KDM8: variants seen among roughly 807,000 people sequenced by gnomAD.
The protein encoded by KDM8 is bifunctional peptidase and arginyl-hydroxylase JMJD5.
In KDM8, 35 loss-of-function variants were observed where a neutral mutation model predicts 46.9. That is an observed-to-expected ratio of 0.75 (90% CI 0.57 to 0.99). The LOEUF is 0.99. Among genes scored for constraint, KDM8 ranks in the 50% least tolerant of loss-of-function variants. The pLI is 0.00. For missense variants in KDM8, 475 were observed against 537.0 expected (o/e 0.88, Z 1.14); for synonymous variants, 232 against 227.7 (o/e 1.02, Z -0.17).
intron 1 of KDM8, chr16:27,204,324 CAG>C: frequency 7.3e-7 from 1 of 1,370,706 alleles, no homozygotes. Flanking sequence ...AGCCCGGGGA[CAG>C]GAGGTGCGCA....
intron 1 of KDM8, among the ~76,000 whole-genome samples, chr16:27,205,958 A>G (rs1293111612): frequency 6.6e-6 from 1 of 152,234 alleles, no homozygotes; most frequent in Non-Finnish European, 1.5e-5. Context: ...GCTTTTTGAT[A>G]TGGCCCACAT....
Position 27,210,203 on chromosome 16 carries a change from C to T in KDM8, c.80C>T (p.Pro27Leu), listed in dbSNP as rs34614782. 806 of 1,613,268 alleles carry T rather than the reference C, an allele frequency of 5.0e-4. No homozygotes were observed. The highest frequency in any genetic ancestry group is 6.4e-4 in the Non-Finnish European group (759 of 1,180,040). Residue 27 changes from proline (P) to leucine (L), a missense_variant, in exon 2 of 8, where the codon CCG becomes CTG. Transcript: ENST00000286096. The stretch of plus-strand genomic sequence containing the variant: ...TGGGAGGCCCTCAGGGCGCTCCTGC[C>T]GCACAGTAAAGAAGACCTGAAGTTG... ...TLWEALRALLPHSKEDLKLDL... is the reference protein window; with the variant it reads ...TLWEALRALLLHSKEDLKLDL...
At chr16:27,219,343 A>G (rs558708939) in intron 6 of KDM8, among the ~76,000 whole-genome samples, 55 of 152,308 alleles carry the variant, frequency 3.6e-4, no homozygotes, top group African/African-American at 1.3e-3. Context: ...AAGATCCCTC[A>G]CAGGGGAGCC....
chr16:27,212,396 G>A (rs565308121), intron 2 of KDM8, among the ~76,000 whole-genome samples: 1 of 152,274 alleles, frequency 6.6e-6, no homozygotes, highest in East Asian at 1.9e-4. Context: ...TTTACAGACA[G>A]GGTCTTGCCC....
At chr16:27,215,864 GCT>G (rs1407621548) in intron 4 of KDM8, 79 bp from the exon 5 acceptor site, 410 of 1,439,516 alleles carry the variant, frequency 2.8e-4, no homozygotes, top group Non-Finnish European at 3.4e-4. Context: ...GCTGGGGCCA[GCT>G]GGACAGCAGC....
intron 7 of KDM8, 33 bp downstream of exon 7, chr16:27,220,518 G>A (rs761569249): frequency 1.9e-6 from 3 of 1,613,582 alleles, no homozygotes; most frequent in Admixed American, 3.3e-5. Context: ...GACGTTGCAG[G>A]TTCTCCCCAC....
intron 1 of KDM8, among the ~76,000 whole-genome samples, chr16:27,207,855 GAT>G (rs1411567416): frequency 1.3e-5 from 2 of 152,204 alleles, no homozygotes; most frequent in African/African-American, 4.8e-5. Context: ...GAGTAGCTGG[GAT>G]TATAGGTGCC....
intron 2 of KDM8, chr16:27,211,277 G>A (rs2083482642): frequency 6.8e-6 from 3 of 440,512 alleles, no homozygotes; most frequent in Non-Finnish European, 1.4e-5. Flanking sequence ...TGGGCTTGCT[G>A]AAGTCTCACC....
intron 2 of KDM8, among the ~76,000 whole-genome samples, chr16:27,212,166 C>T (rs2083491259): frequency 6.6e-6 from 1 of 152,146 alleles, no homozygotes; most frequent in Admixed American, 6.5e-5. Flanking sequence ...CCTGAACAGA[C>T]TGTTCACAAG....
Position 27,220,888 on chromosome 16 carries a change from G to A in KDM8, c.*158G>A. The A allele has an allele frequency of 1.2e-6, 1 of 858,400 alleles. No homozygotes were observed. The highest frequency in any genetic ancestry group is 1.4e-5 in the South Asian group (1 of 72,284). 53.2% of individuals were successfully genotyped at this position (858,400 alleles called of 1,614,324 possible). On this transcript the variant is annotated 3_prime_UTR_variant, in exon 8 of 8. Coordinates refer to ENST00000286096, the MANE Select transcript of KDM8 (RefSeq NM_024773.3). ...CCCTGGGGGGCTGAGCTCCAGCACTGGACAGGCACAGAGCAGGGGCTGCCC... is the reference window on the plus strand; with the variant it reads ...CCCTGGGGGGCTGAGCTCCAGCACTAGACAGGCACAGAGCAGGGGCTGCCC...
At chr16:27,220,232 A>T in intron 6 of KDM8, 161 bp from the exon 7 acceptor site, 1 of 691,572 alleles carries the variant, frequency 1.4e-6, no homozygotes, top group East Asian at 2.5e-5. Context: ...AAAAAATAAA[A>T]AAGAAAGAAA....
chr16:27,213,823 C>G (rs1383378685), intron 3 of KDM8, 72 bp downstream of exon 3: 1 of 1,480,796 alleles, frequency 6.8e-7, no homozygotes, highest in Non-Finnish European at 9.2e-7. Context: ...TGAATTCCTC[C>G]CGACCATCCC....
In KDM8 at chr16:27,210,495, C is replaced by T; in HGVS notation, c.372C>T (p.Asp124=). ...NTVAAALRVC[D]MGLLMGAAIL... ...TGGCCGCAGCCCTGCGGGTCTGTGA[C>T]ATGGGCCTGCTGATGGGGGCAGCCA... is the stretch of plus-strand genomic sequence containing the variant. Residue 124 remains aspartate, a synonymous_variant, in exon 2 of 8, where the codon GAC becomes GAT. Coordinates refer to ENST00000286096, the MANE Select transcript of KDM8 (RefSeq NM_024773.3). The T allele has an allele frequency of 6.4e-7, 1 of 1,571,186 alleles. No individual in the cohort carries two copies. Among genetic ancestry groups the T allele is most frequent in the Non-Finnish European group, 8.7e-7 (1 of 1,154,400 alleles).
chr16:27,210,010 G>A (rs2083464464), intron 1 of KDM8, 83 bp from the exon 2 acceptor site: 1 of 1,402,350 alleles, frequency 7.1e-7, no homozygotes, highest in African/African-American at 1.4e-5. Flanking sequence ...AATCCTCGCA[G>A]ATGAGATGCA....
chr16:27,211,420 A>G, intron 2 of KDM8: 1 of 314,792 alleles, frequency 3.2e-6, no homozygotes, highest in Non-Finnish European at 6.3e-6. Context: ...TCCAAAGAGC[A>G]CCCCCAGGAA....
intron 1 of KDM8, 53 bp from the exon 2 acceptor site, chr16:27,210,040 A>G (rs977219931): frequency 4.0e-6 from 6 of 1,498,364 alleles, no homozygotes; most frequent in African/African-American, 1.4e-5. Flanking sequence ...GGGAATGCAC[A>G]GGGGATCAGG....
chr16:27,210,857 G>A lies in KDM8; in HGVS notation c.498+236G>A, dbSNP rs2083476380. Among the ~76,000 whole-genome samples the A allele has an allele frequency of 3.3e-5, 5 of 152,312 alleles. No individual in the cohort carries two copies. The South Asian group carries it at 6.2e-4, about 19-fold the overall frequency. Reference sequence around the variant, plus strand: ...GGCTCCTTGCAGCCTCCACTTCCTGGACTCAAGCAATCCTTCTGCCTCAGC... The same window carrying A: ...GGCTCCTTGCAGCCTCCACTTCCTGAACTCAAGCAATCCTTCTGCCTCAGC... On this transcript the variant is annotated intron_variant, in intron 2 of 7. Coordinates refer to ENST00000286096, the MANE Select transcript of KDM8 (RefSeq NM_024773.3).
At chr16:27,206,817 G>A (rs936574407) in intron 1 of KDM8, among the ~76,000 whole-genome samples, 2 of 152,200 alleles carry the variant, frequency 1.3e-5, no homozygotes, top group Non-Finnish European at 2.9e-5. Flanking sequence ...ATCTCAAGTG[G>A]TTGGTGGTGT....
At chr16:27,219,308 G>A (rs538465463) in intron 6 of KDM8, among the ~76,000 whole-genome samples, 198 bp downstream of exon 6, 11 of 152,212 alleles carry the variant, frequency 7.2e-5, no homozygotes, top group Non-Finnish European at 1.5e-4. Flanking sequence ...TTCCAGAAGC[G>A]GCTCCTCCTG....
Sources: allele counts gnomAD v4.1 joint callset (sites outside exome capture counted in the v4.1 genomes callset), GRCh38; gene constraint gnomAD v4.1.1; transcripts MANE v1.5; gene names NCBI Gene and HGNC (gene_info 2026-07-23, HGNC 2026-07-21).